Variants in ORC3 observed in about 807,000 individuals in gnomAD.
ORC3 encodes the protein origin recognition complex subunit 3, also known as homolog of latheo, Drosophila.
In ORC3, 78 loss-of-function variants were observed where a neutral mutation model predicts 100.7. The ratio of observed to expected loss-of-function variants is 0.77; its 90% CI spans 0.65 to 0.94. The LOEUF (loss-of-function observed/expected upper bound fraction) is 0.94. Ranked by LOEUF, ORC3 falls within the 40% of genes least tolerant of loss-of-function variation. The pLI, the probability that ORC3 is intolerant of heterozygous loss-of-function variation, is 0.00. For synonymous variants in ORC3, 295 were observed against 289.3 expected, an observed-to-expected ratio of 1.02 and a Z score of -0.20; for missense variants, 789 against 823.9, an observed-to-expected ratio of 0.96 and a Z score of 0.52.
At chr6:87,597,745 G>C (rs1225084711) in intron 2 of ORC3, among the ~76,000 whole-genome samples, 1 of 150,806 alleles carries the variant, frequency 6.6e-6, no homozygotes, top group Admixed American at 6.6e-5. Context: ...ATAGAGATGG[G>C]ATCTTACTAT....
At chr6:87,592,656 C>T (rs971562292) in intron 1 of ORC3, among the ~76,000 whole-genome samples, 1 of 151,992 alleles carries the variant, frequency 6.6e-6, no homozygotes, top group Non-Finnish European at 1.5e-5. Context: ...GAATCTAAGG[C>T]ACAGTTCTTA....
At chr6:87,636,288 T>A in intron 12 of ORC3, 119 bp from the exon 13 acceptor site, 1 of 659,980 alleles carries the variant, frequency 1.5e-6, no homozygotes, top group Non-Finnish European at 2.7e-6. Context: ...TCTATTATAA[T>A]CTAAAGAAAA....
chr6:87,673,038 G>A, the ORC3 span, among the ~76,000 whole-genome samples: 3 of 151,678 alleles, frequency 2.0e-5, no homozygotes, highest in South Asian at 6.2e-4. Context: ...AATCATGTGT[G>A]GTTGGTTATT....
chr6:87,628,151 T>C, intron 11 of ORC3, among the ~76,000 whole-genome samples: 1 of 152,166 alleles, frequency 6.6e-6, no homozygotes, highest in Non-Finnish European at 1.5e-5. Flanking sequence ...ATGTTCTCAT[T>C]TGTGAGTGGG....
chr6:87,632,725 A>G (rs1461273513), intron 11 of ORC3, among the ~76,000 whole-genome samples: 1 of 152,126 alleles, frequency 6.6e-6, no homozygotes, highest in Non-Finnish European at 1.5e-5. Context: ...TTAACTGGGC[A>G]TGGTGGCAGG....
chr6:87,635,329 C>T (rs1017784184), intron 12 of ORC3, among the ~76,000 whole-genome samples: 1 of 152,198 alleles, frequency 6.6e-6, no homozygotes, highest in Non-Finnish European at 1.5e-5. Context: ...CCTTGCACTA[C>T]ACCCAGAATA....
In ORC3 at chr6:87,638,747, A is replaced by G. The variant is rs80302846; in HGVS notation, c.1382+2261A>G. 2.6e-5 allele frequency among the ~76,000 whole-genome samples: 4 copies of G among 152,316 alleles called. No homozygotes were observed. In the East Asian group the frequency reaches 7.7e-4, roughly 29 times the overall value. On this transcript the variant is annotated intron_variant, in intron 13 of 19. Coordinates refer to ENST00000392844, the MANE Select transcript of ORC3 (RefSeq NM_012381.4). ...CACACCACAGTTTATTCAGCTTGCC[A>G]TTGTTTGTTGCTGTTGTTTAACACT...
rs781551516 is a variant in ORC3, at chr6:87,634,878, G to A, written c.1219G>A (p.Val407Ile). 6.3e-7 allele frequency: 1 copy of A among 1,595,290 alleles called. No individual in the cohort carries two copies. The highest frequency in any genetic ancestry group is 1.1e-5 in the South Asian group (1 of 90,748). Reference sequence around the variant, plus strand: ...ACAATTATTACTAGAAAACCTGCATGTTTATCATATGAATTACTTCCTGGT... The same window carrying A: ...ACAATTATTACTAGAAAACCTGCATATTTATCATATGAATTACTTCCTGGT... ...ETQLLLENLH[V>I]YHMNYFLVLR... is the part of the protein sequence containing the mutation. Residue 407 changes from valine to isoleucine, a missense_variant, in exon 12 of 20, where the codon GTT becomes ATT. Transcript: ENST00000392844.
chr6:87,650,366 C>T (rs1302114007), intron 13 of ORC3, among the ~76,000 whole-genome samples: 2 of 152,106 alleles, frequency 1.3e-5, no homozygotes, highest in Non-Finnish European at 2.9e-5. Context: ...TTTACACTCT[C>T]TTTTATTTGC....
intron 9 of ORC3, 92 bp from the exon 10 acceptor site, chr6:87,621,262 T>C: frequency 1.1e-6 from 1 of 940,584 alleles, no homozygotes; most frequent in Non-Finnish European, 1.5e-6. Flanking sequence ...ACTTTGGCTC[T>C]TTAAAAAAAT....
chr6:87,633,104 A>T (rs1294497722), intron 11 of ORC3, among the ~76,000 whole-genome samples: 1 of 152,198 alleles, frequency 6.6e-6, no homozygotes, highest in South Asian at 2.1e-4. Context: ...ACTCACTTCT[A>T]CTGCATCACC....
chr6:87,621,915 T>C, intron 10 of ORC3, 35 bp from the exon 11 acceptor site: 1 of 1,471,434 alleles, frequency 6.8e-7, no homozygotes, highest in Non-Finnish European at 9.4e-7. Context: ...ATGTTTAATT[T>C]TCTCTTTTTA....
chr6:87,652,544 T>C (rs1486937992), intron 13 of ORC3, among the ~76,000 whole-genome samples: 1 of 152,246 alleles, frequency 6.6e-6, no homozygotes, highest in Non-Finnish European at 1.5e-5. Flanking sequence ...CCATAGGAGA[T>C]GTAAAGCATA....
At chr6:87,632,850 TTAAAA>T (rs1271749186) in intron 11 of ORC3, among the ~76,000 whole-genome samples, 7 of 152,168 alleles carry the variant, frequency 4.6e-5, no homozygotes, top group African/African-American at 1.4e-4. Context: ...TATTTTTATC[TTAAAA>T]TAAAATAATG....
chr6:87,601,920 G>C, intron 3 of ORC3, 39 bp downstream of exon 3: 1 of 1,163,572 alleles, frequency 8.6e-7, no homozygotes, highest in Non-Finnish European at 1.3e-6. Context: ...AACACCCTAA[G>C]TCTCATTTTT....
intron 11 of ORC3, among the ~76,000 whole-genome samples, chr6:87,628,524 A>G (rs1466498236): frequency 6.6e-6 from 1 of 152,186 alleles, no homozygotes; most frequent in Non-Finnish European, 1.5e-5. Context: ...CTTACTTGTT[A>G]ATGTTTCACG....
At chr6:87,629,556 A>T (rs1436011051) in intron 11 of ORC3, among the ~76,000 whole-genome samples, 1 of 151,398 alleles carries the variant, frequency 6.6e-6, no homozygotes, top group African/African-American at 2.4e-5. Flanking sequence ...GTAAACAGTG[A>T]TATATGATTT....
intron 13 of ORC3, among the ~76,000 whole-genome samples, chr6:87,651,886 T>G (rs1388601854): frequency 3.3e-5 from 5 of 151,584 alleles, no homozygotes; most frequent in Admixed American, 2.0e-4. Context: ...TGTTACTTCA[T>G]GGTTAATATT....
In ORC3 at chr6:87,612,068, GTGTC is replaced by G. The variant is rs2128254941; in HGVS notation, c.714-15_714-12del. 1.2e-6 allele frequency: 2 copies of G among 1,601,290 alleles called. No homozygotes were observed. The highest frequency in any genetic ancestry group is 4.5e-5 in the East Asian group (2 of 44,652). ...TATTTGCTAAATAAATTTCACTTTT[GTGTC>G]TGTCTTTCAAAACTAGTCAACATCT... On this transcript the variant is annotated splice_polypyrimidine_tract_variant and intron_variant, in intron 7 of 19. Coordinates refer to ENST00000392844, the MANE Select transcript of ORC3 (RefSeq NM_012381.4).
Sources: allele counts gnomAD v4.1 joint callset (sites outside exome capture counted in the v4.1 genomes callset), GRCh38; gene constraint gnomAD v4.1.1; transcripts MANE v1.5; gene names NCBI Gene and HGNC (gene_info 2026-07-23, HGNC 2026-07-21).